The following MAP4K5 variants were observed in gnomAD, a reference collection of about 807,000 sequenced individuals.
The protein encoded by MAP4K5 is mitogen-activated protein kinase kinase kinase kinase 5, also known as MAPK/ERK kinase kinase kinase 5.
MAP4K5 carries 82 observed loss-of-function variants against 135.6 expected under a neutral mutation model. That is an observed-to-expected ratio of 0.60 (90% CI 0.51 to 0.73). The LOEUF is 0.73. Ranked by LOEUF, MAP4K5 falls within the 30% of genes least tolerant of loss-of-function variation. The pLI, the probability that MAP4K5 is intolerant of heterozygous loss-of-function variation, is 0.00. For missense variants in MAP4K5, 907 were observed against 1,010.9 expected (o/e 0.90, Z 1.39); for synonymous variants, 347 against 335.0 (o/e 1.04, Z -0.39).
intron 2 of MAP4K5, among the ~76,000 whole-genome samples, chr14:50,542,285 C>T (rs1047303193): frequency 1.1e-3 from 4 of 3,716 alleles, no homozygotes; most frequent in Admixed American, 3.0e-3. Context: ...CCTGTGGTGT[C>T]GGGGGGAGGG....
At chr14:50,547,768 A>T (rs1021161658) in intron 1 of MAP4K5, among the ~76,000 whole-genome samples, 1 of 152,128 alleles carries the variant, frequency 6.6e-6, no homozygotes, top group Non-Finnish European at 1.5e-5. Context: ...TTAAGCTGGG[A>T]AGTGTCCGTG....
chr14:50,441,334 G>A (rs572045785), intron 21 of MAP4K5, among the ~76,000 whole-genome samples: 11 of 152,174 alleles, frequency 7.2e-5, no homozygotes, highest in African/African-American at 2.4e-4. Context: ...CCAACAGATC[G>A]ATATTAACAT....
At chr14:50,528,923 T>C (rs1458905846) in intron 2 of MAP4K5, among the ~76,000 whole-genome samples, 4 of 152,202 alleles carry the variant, frequency 2.6e-5, no homozygotes, top group Non-Finnish European at 5.9e-5. Context: ...AGTTTCAGGT[T>C]ATGTGTTTTT....
At chr14:50,507,080 A>T (rs1016699316) in intron 2 of MAP4K5, among the ~76,000 whole-genome samples, 2 of 152,262 alleles carry the variant, frequency 1.3e-5, no homozygotes, top group African/African-American at 4.8e-5. Flanking sequence ...CATATTGTTC[A>T]GTAAATCATA....
chr14:50,536,392 C>T (rs2038492549), upstream of MAP4K5, among the ~76,000 whole-genome samples: 1 of 148,238 alleles, frequency 6.7e-6, no homozygotes, highest in East Asian at 2.0e-4. Context: ...GCCAAGATTG[C>T]ACCATTGCAC....
intron 5 of MAP4K5, 50 bp downstream of exon 5, chr14:50,485,528 A>G: frequency 8.5e-7 from 1 of 1,181,802 alleles, no homozygotes; most frequent in Non-Finnish European, 1.2e-6. Context: ...ATCGAACAAC[A>G]ATCATTAAAA....
intron 1 of MAP4K5, chr14:50,560,339 C>G (rs372224898): frequency 6.2e-7 from 1 of 1,609,138 alleles, no homozygotes; most frequent in Non-Finnish European, 8.5e-7. Flanking sequence ...TGCACGGGGT[C>G]TTCTGGCCCT....
At chr14:50,507,793 G>C (rs2037843516) in intron 2 of MAP4K5, among the ~76,000 whole-genome samples, 1 of 152,172 alleles carries the variant, frequency 6.6e-6, no homozygotes, top group Admixed American at 6.5e-5. Context: ...TGGAATAAGT[G>C]CGATGTGGTG....
At chr14:50,442,975 C>A (rs1321440624) in intron 20 of MAP4K5, among the ~76,000 whole-genome samples, 159 bp from the exon 21 acceptor site, 1 of 152,090 alleles carries the variant, frequency 6.6e-6, no homozygotes, top group Non-Finnish European at 1.5e-5. Flanking sequence ...CATTAAACCC[C>A]TACTACCAAG....
chr14:50,479,530 C>G (rs1468369677), intron 6 of MAP4K5, among the ~76,000 whole-genome samples: 1 of 152,114 alleles, frequency 6.6e-6, no homozygotes, highest in African/African-American at 2.4e-5. Flanking sequence ...TTAATTCCAT[C>G]AGACACTGTG....
chr14:50,478,201 TAATACTGTCTTGTTATCTAATATTTGTA>T (rs1320299551), intron 6 of MAP4K5, among the ~76,000 whole-genome samples: 1 of 152,176 alleles, frequency 6.6e-6, no homozygotes, highest in Non-Finnish European at 1.5e-5. Flanking sequence ...ATACTGTTCA[TAATACTGTCTTGTTATCTAATATTTGTA>T]AATTCTGTCT....
At chr14:50,533,336 A>T (rs1436045967), upstream of MAP4K5, 1 of 151,604 alleles carries the variant, frequency 6.6e-6, no homozygotes, top group African/African-American at 2.4e-5. Context: ...ATTTGGCAAC[A>T]TCTCGGTGTC....
At chr14:50,496,040 G>C (rs1333692861) in intron 3 of MAP4K5, among the ~76,000 whole-genome samples, 2 of 152,128 alleles carry the variant, frequency 1.3e-5, no homozygotes, top group African/African-American at 4.8e-5. Context: ...AAATGGTAAA[G>C]ACAGCTGGGC....
In MAP4K5 at chr14:50,473,762, C is replaced by T. The variant is rs542217966; in HGVS notation, c.542+1315G>A. 4.1e-5 allele frequency among the ~76,000 whole-genome samples: 5 copies of T among 120,896 alleles called. No homozygotes were observed. In the East Asian group the frequency reaches 8.2e-4, roughly 20 times the overall value. 79.3% of individuals were successfully genotyped at this position (120,896 alleles called of 152,430 possible). Reference sequence around the variant, plus strand: ...TTTTTGAGACGGAGTCTCGCTCTGTCGCCCAGGCTGGAGTGCAGTGGTGCG... The same window carrying T: ...TTTTTGAGACGGAGTCTCGCTCTGTTGCCCAGGCTGGAGTGCAGTGGTGCG... On this transcript the variant is annotated intron_variant, in intron 9 of 32. Transcript: ENST00000682126.
intron 11 of MAP4K5, among the ~76,000 whole-genome samples, chr14:50,464,816 A>C (rs1165335849): frequency 6.6e-6 from 1 of 152,236 alleles, no homozygotes; most frequent in Non-Finnish European, 1.5e-5. Flanking sequence ...CAGAGAAATC[A>C]CATCACTGCA....
At chr14:50,488,000 T>C (rs1485342400) in intron 3 of MAP4K5, among the ~76,000 whole-genome samples, 1 of 152,164 alleles carries the variant, frequency 6.6e-6, no homozygotes, top group African/African-American at 2.4e-5. Context: ...TATGTGTATA[T>C]ATATTAACAC....
intron 14 of MAP4K5, among the ~76,000 whole-genome samples, chr14:50,455,327 A>G (rs1156595091): frequency 6.6e-6 from 1 of 152,036 alleles, no homozygotes; most frequent in Non-Finnish European, 1.5e-5. Context: ...ACCCAAAACT[A>G]TACGAGAAAA....
intron 3 of MAP4K5, among the ~76,000 whole-genome samples, chr14:50,499,819 T>C (rs937780874): frequency 1.1e-4 from 17 of 152,210 alleles, no homozygotes; most frequent in Non-Finnish European, 2.5e-4. Context: ...GAGAAAAATC[T>C]GTAGAAAATT....
At chr14:50,447,595 C>A in intron 15 of MAP4K5, 114 bp from the exon 16 acceptor site, 1 of 631,880 alleles carries the variant, frequency 1.6e-6, no homozygotes, top group East Asian at 3.0e-5. Flanking sequence ...GGCATTCAAT[C>A]AATTTTTTAA....
Sources: gnomAD v4.1 joint callset for allele counts (sites outside exome capture counted in the v4.1 genomes callset) on GRCh38, gnomAD v4.1.1 for gene constraint, MANE v1.5 for transcripts, NCBI Gene and HGNC (gene_info 2026-07-23, HGNC 2026-07-21) for gene names.